Variants in IQSEC1 observed in about 807,000 individuals in gnomAD.
IQSEC1 encodes IQ motif and SEC7 domain-containing protein 1.
In IQSEC1, 31 loss-of-function variants were observed where a neutral mutation model predicts 91.0. That is an observed-to-expected ratio of 0.34 (90% CI 0.26 to 0.46). The LOEUF (loss-of-function observed/expected upper bound fraction) is 0.46. Ranked by LOEUF, IQSEC1 falls within the 20% of genes least tolerant of loss-of-function variation. The pLI, the probability that IQSEC1 is intolerant of heterozygous loss-of-function variation, is 1.00. For synonymous variants in IQSEC1, 699 were observed against 662.6 expected, an observed-to-expected ratio of 1.05 and a Z score of -0.84; for missense variants, 1,388 against 1,575.6, an observed-to-expected ratio of 0.88 and a Z score of 2.02.
intron 2 of IQSEC1, among the ~76,000 whole-genome samples, chr3:13,148,523 GA>G (rs1371955292): frequency 2.0e-5 from 3 of 152,202 alleles, no homozygotes; most frequent in Admixed American, 6.5e-5. Context: ...AAGGCACTGG[GA>G]AAAAAAATTG....
chr3:13,051,467 T>TGGCAGG (rs982050903), intron 1 of IQSEC1, among the ~76,000 whole-genome samples: 1 of 152,134 alleles, frequency 6.6e-6, no homozygotes, highest in African/African-American at 2.4e-5. Flanking sequence ...TGACTGTGAC[T>TGGCAGG]GGCAGGGGCA....
intron 1 of IQSEC1, among the ~76,000 whole-genome samples, chr3:13,227,019 C>T (rs1030494195): frequency 1.3e-5 from 2 of 152,086 alleles, no homozygotes; most frequent in Admixed American, 1.3e-4. Context: ...GAGTTCAAGG[C>T]TGCAGTGAGC....
intron 6 of IQSEC1, among the ~76,000 whole-genome samples, chr3:12,917,173 CAT>C (rs1696174485): frequency 6.6e-6 from 1 of 152,214 alleles, no homozygotes; most frequent in African/African-American, 2.4e-5. Context: ...CCCCGACACT[CAT>C]AGCCTTCCAC....
intron 1 of IQSEC1, among the ~76,000 whole-genome samples, chr3:13,060,941 C>G (rs1400960541): frequency 6.6e-6 from 1 of 152,200 alleles, no homozygotes; most frequent in Non-Finnish European, 1.5e-5. Context: ...CTCATGGACC[C>G]CAGTTTCCTC....
intron 2 of IQSEC1, among the ~76,000 whole-genome samples, chr3:13,159,121 G>A (rs1233069102): frequency 1.3e-5 from 2 of 152,126 alleles, no homozygotes; most frequent in African/African-American, 4.8e-5. Flanking sequence ...TTAAGATCAT[G>A]TGGGCGCTTA....
At chr3:13,240,509 G>A (rs764813680) in intron 1 of IQSEC1, among the ~76,000 whole-genome samples, 5 of 152,206 alleles carry the variant, frequency 3.3e-5, no homozygotes, top group East Asian at 3.8e-4. Flanking sequence ...AGACACCAGC[G>A]GTGTGGCAGA....
intron 1 of IQSEC1, among the ~76,000 whole-genome samples, chr3:13,026,172 G>A (rs538213668): frequency 2.2e-4 from 33 of 152,296 alleles, no homozygotes; most frequent in Non-Finnish European, 2.8e-4. Flanking sequence ...TGTGCCCCTC[G>A]GCAGCCACAG....
intron 2 of IQSEC1, among the ~76,000 whole-genome samples, chr3:13,140,126 C>T (rs1045637037): frequency 2.5e-4 from 38 of 152,334 alleles, no homozygotes; most frequent in Non-Finnish European, 3.4e-4. Context: ...ATTCCTCCTT[C>T]CAACCCGCTC....
Position 12,922,162 on chromosome 3 carries a change from T to C in IQSEC1, c.1811A>G (p.Gln604Arg), listed in dbSNP as rs1696688527. Residue 604 changes from glutamine (Q) to arginine (R), a missense_variant, in exon 5 of 14, where the codon CAA becomes CGA. Gln to Arg is a conservative substitution (Grantham distance 43). Coordinates refer to ENST00000613206, the MANE Select transcript of IQSEC1 (RefSeq NM_001134382.3). This position sits in a 1 kb window ranked among gnomAD's most constrained non-coding sequence, Gnocchi z 5.1. ...LRKFQAHIRV[Q>R]GEAQKVERLI... ...CCGCTCCACTTTCTGAGCCTCCCCT[T>C]GGACACGGATGTGCGCCTGGAATTT... 6.2e-7 allele frequency: 1 copy of C among 1,610,424 alleles called. No homozygotes were observed.
At chr3:12,933,170 CAAAG>C (rs1697850815) in intron 3 of IQSEC1, among the ~76,000 whole-genome samples, 1 of 152,126 alleles carries the variant, frequency 6.6e-6, no homozygotes, top group African/African-American at 2.4e-5. Flanking sequence ...GGCGCAGGGC[CAAAG>C]AAAGGGAAGG....
At chr3:13,115,137 G>A (rs1425313887) in intron 2 of IQSEC1, among the ~76,000 whole-genome samples, 1 of 152,230 alleles carries the variant, frequency 6.6e-6, no homozygotes, top group Non-Finnish European at 1.5e-5. Context: ...GATGGGTTGT[G>A]AGCTGAGGAG....
At chr3:13,269,940 A>G (rs546173673) in intron 1 of IQSEC1, among the ~76,000 whole-genome samples, 2 of 152,352 alleles carry the variant, frequency 1.3e-5, no homozygotes, top group African/African-American at 2.4e-5. Context: ...CAGAGGTCCA[A>G]TCACAAGAAG....
intron 1 of IQSEC1, among the ~76,000 whole-genome samples, chr3:13,254,499 G>A (rs1695252566): frequency 6.6e-6 from 1 of 152,242 alleles, no homozygotes; most frequent in African/African-American, 2.4e-5. Context: ...CTGCACAAAG[G>A]TGTTAGTGAG....
chr3:13,254,240 T>C (rs1695247879), intron 1 of IQSEC1, among the ~76,000 whole-genome samples: 1 of 152,224 alleles, frequency 6.6e-6, no homozygotes, highest in South Asian at 2.1e-4. Context: ...TCAGCAAACA[T>C]GAACCGAGCC....
chr3:13,237,736 G>T (rs894878701), intron 1 of IQSEC1, among the ~76,000 whole-genome samples: 5 of 152,242 alleles, frequency 3.3e-5, no homozygotes, highest in African/African-American at 1.2e-4. Context: ...CTGTAAAATG[G>T]GTTGATGCCT....
intron 2 of IQSEC1, among the ~76,000 whole-genome samples, chr3:13,131,381 T>TAA (rs138435621): frequency 0.027 from 4,018 of 149,520 alleles, 173 homozygotes; most frequent in African/African-American, 0.089. Flanking sequence ...GGTTCTTACT[T>TAA]AAAAAAAAAA....
At chr3:13,101,102 G>C (rs992025593) in intron 2 of IQSEC1, among the ~76,000 whole-genome samples, 1 of 152,206 alleles carries the variant, frequency 6.6e-6, no homozygotes, top group African/African-American at 2.4e-5. Flanking sequence ...CTGCTGAGGG[G>C]AGTGTGGATT....
rs777703972 is a variant in IQSEC1 at position 12,900,965 on chromosome 3, G to A, written c.*18C>T. The A allele has an allele frequency of 3.4e-5, 52 of 1,541,948 alleles. No individual in the cohort carries two copies. In the East Asian group the frequency reaches 1.2e-3, roughly 35 times the overall value. On this transcript the variant is annotated 3_prime_UTR_variant, in exon 14 of 14. Transcript: ENST00000613206. ...TGTGCAGGTGTTTCAGGGAGCCTGG[G>A]ACCCCTACCCAGGCTGTCTACACAA...
intron 1 of IQSEC1, among the ~76,000 whole-genome samples, chr3:13,218,498 G>T (rs1694592189): frequency 6.6e-6 from 1 of 152,222 alleles, no homozygotes; most frequent in Non-Finnish European, 1.5e-5. Flanking sequence ...TTTGGCGGGA[G>T]GTGTGGGAAG....
Sources: allele counts gnomAD v4.1 joint callset (sites outside exome capture counted in the v4.1 genomes callset), GRCh38; gene constraint gnomAD v4.1.1; non-coding constraint Gnocchi (gnomAD v3.1); transcripts MANE v1.5; gene names NCBI Gene and HGNC (gene_info 2026-07-23, HGNC 2026-07-21).